The following KPNA4 variants were observed in gnomAD, a reference collection of about 807,000 sequenced individuals.
KPNA4 encodes the protein karyopherin subunit alpha 4, also known as importin subunit alpha-3.
KPNA4 carries 13 observed loss-of-function variants against 71.3 expected under a neutral mutation model. The observed-to-expected ratio is 0.18, with a 90% CI of 0.12 to 0.29. KPNA4 has a LOEUF of 0.29. Ranked by LOEUF, KPNA4 falls within the 10% of genes least tolerant of loss-of-function variation. The pLI is 1.00. For synonymous variants in KPNA4, 189 were observed against 195.2 expected, an observed-to-expected ratio of 0.97 and a Z score of 0.26; for missense variants, 334 against 603.2, an observed-to-expected ratio of 0.55 and a Z score of 4.67.
At chr3:160,559,276 T>TA (rs980729312) in intron 1 of KPNA4, among the ~76,000 whole-genome samples, 7 of 151,876 alleles carry the variant, frequency 4.6e-5, no homozygotes, top group Admixed American at 2.0e-4. Context: ...AGAGGCATGG[T>TA]AAAAAAAGAA....
At chr3:160,539,983 TTTTC>T (rs1360815581) in intron 1 of KPNA4, among the ~76,000 whole-genome samples, 2 of 147,672 alleles carry the variant, frequency 1.4e-5, no homozygotes, top group African/African-American at 2.5e-5. Context: ...TTACGAAAAA[TTTTC>T]TTTTTCTTTT....
rs930329435 is a variant in KPNA4 at position 160,514,067 on chromosome 3, A to G, written c.1137+10T>C. ...TCAGATAAATGATACATATAACATG[A>G]TTTTCTTACCTTATCCAAAAGGTGT... On this transcript the variant is annotated intron_variant, in intron 13 of 16. Transcript: ENST00000334256. The G allele has an allele frequency of 2.7e-6, 4 of 1,489,270 alleles. No individual in the cohort carries two copies. Among genetic ancestry groups the G allele is most frequent in the Non-Finnish European group, 3.6e-6 (4 of 1,102,906 alleles). The allele number at this position is 1,489,270 out of a possible 1,614,324, so 92.3% of individuals were successfully genotyped here. A position where few individuals can be genotyped will look rare whatever the true frequency, so the allele number is the denominator to read the frequency against.
intron 13 of KPNA4, among the ~76,000 whole-genome samples, chr3:160,511,920 G>A (rs191273977): frequency 6.6e-6 from 1 of 151,906 alleles, no homozygotes; most frequent in Non-Finnish European, 1.5e-5. Context: ...GCATAAAAGA[G>A]ATGTAAATAT....
intron 11 of KPNA4, among the ~76,000 whole-genome samples, chr3:160,520,482 C>CA (rs1721323349): frequency 6.6e-6 from 1 of 150,778 alleles, no homozygotes; most frequent in South Asian, 2.1e-4. Flanking sequence ...AGGATGGTCT[C>CA]AGTCTCCTGA....
rs1412270079 is a variant in KPNA4 at position 160,496,951 on chromosome 3, ATTG to A, written c.*5150_*5152del. The A allele has an allele frequency of 2.0e-5, 3 of 152,212 alleles. No individual in the cohort carries two copies. The highest frequency in any genetic ancestry group is 1.9e-4 in the East Asian group (1 of 5,200). 9.4% of individuals were successfully genotyped at this position (152,212 alleles called of 1,614,324 possible). ...GGATTTAAAAGGAATTTTCAAGATT[ATTG>A]TTAACTTCTGGGTTAAGTGTTTAGG... On this transcript the variant is annotated 3_prime_UTR_variant, in exon 17 of 17. Transcript: ENST00000334256.
rs1327401659 is a variant in KPNA4, at chr3:160,498,937, T to C, written c.*3167A>G. Reference sequence around the variant, plus strand: ...AAATTTAGCTTAATCTCTGTAACTTTTTCCTTGAGGAAACTGAGGCAATGG... The same window carrying C: ...AAATTTAGCTTAATCTCTGTAACTTCTTCCTTGAGGAAACTGAGGCAATGG... On this transcript the variant is annotated 3_prime_UTR_variant, in exon 17 of 17. Transcript: ENST00000334256. The C allele has an allele frequency of 1.3e-5, 2 of 152,212 alleles. No homozygotes were observed. Among genetic ancestry groups the C allele is most frequent in the African/African-American group, 4.8e-5 (2 of 41,444 alleles). The allele number at this position is 152,212 out of a possible 1,614,324, so 9.4% of individuals were successfully genotyped here.
At chr3:160,564,548 T>A (rs1722301868) in intron 1 of KPNA4, 1 of 152,018 alleles carries the variant, frequency 6.6e-6, no homozygotes, top group African/African-American at 2.4e-5. Context: ...ATCAGCTATA[T>A]CCAGAGTAAA....
chr3:160,555,934 T>C (rs1488223549), intron 1 of KPNA4, among the ~76,000 whole-genome samples: 1 of 152,276 alleles, frequency 6.6e-6, no homozygotes, highest in Non-Finnish European at 1.5e-5. Context: ...TGGGTTCAAG[T>C]GATTCTCCTG....
intron 13 of KPNA4, 60 bp from the exon 14 acceptor site, chr3:160,509,931 GT>G (rs1254399093): frequency 2.9e-6 from 3 of 1,042,048 alleles, no homozygotes; most frequent in Non-Finnish European, 4.5e-6. Flanking sequence ...TGGAAAAAAT[GT>G]TTGCTGTGAT....
At chr3:160,517,874 T>C (rs1721259579) in intron 11 of KPNA4, among the ~76,000 whole-genome samples, 1 of 152,232 alleles carries the variant, frequency 6.6e-6, no homozygotes, top group Admixed American at 6.5e-5. Flanking sequence ...CCTTTGCCAA[T>C]ACATAATTTT....
chr3:160,515,971 TTCAC>T (rs1721210041), intron 11 of KPNA4, among the ~76,000 whole-genome samples: 1 of 152,010 alleles, frequency 6.6e-6, no homozygotes, highest in South Asian at 2.1e-4. Flanking sequence ...AATGCATTCA[TTCAC>T]TATTTCTTCC....
chr3:160,506,287 G>A (rs565244948), intron 15 of KPNA4, among the ~76,000 whole-genome samples: 2 of 152,058 alleles, frequency 1.3e-5, no homozygotes, highest in Admixed American at 1.3e-4. Context: ...TCGTGCCTCA[G>A]CCTCCCAAGC....
Position 160,501,170 on chromosome 3 carries a change from A to ATGT in KPNA4, c.*933_*934insACA. On this transcript the variant is annotated 3_prime_UTR_variant, in exon 17 of 17. Coordinates refer to ENST00000334256, the MANE Select transcript of KPNA4 (RefSeq NM_002268.5). Reference sequence around the variant, plus strand: ...GTTTTGATGATATGGAAAGCTTTTCATAGCATCAAACATTCATCTGGTGCA... The same window carrying ATGT: ...GTTTTGATGATATGGAAAGCTTTTCATGTTAGCATCAAACATTCATCTGGTGCA... 6.6e-6 allele frequency: 1 copy of ATGT among 152,458 alleles called. No individual in the cohort carries two copies. 9.4% of individuals were successfully genotyped at this position (152,458 alleles called of 1,614,324 possible). A position where few individuals can be genotyped will look rare whatever the true frequency, so the allele number is the denominator to read the frequency against.
In KPNA4 at chr3:160,529,515, G is replaced by A. The variant is rs538358902; in HGVS notation, c.469+1340C>T. On this transcript the variant is annotated intron_variant, in intron 7 of 16. Transcript: ENST00000334256. ...TAATATTACAACATAAGTGTCTACA[G>A]TAAAATGATTATTTGGATAACATCT... 3.3e-4 allele frequency among the ~76,000 whole-genome samples: 51 copies of A among 152,256 alleles called. No individual in the cohort carries two copies. The South Asian group carries it at 0.01, about 30-fold the overall frequency.
rs1051616523 is a variant in KPNA4, at chr3:160,497,939, G to A, written c.*4165C>T. Reference sequence around the variant, plus strand: ...CTCTTAGGCAAGCTTCTATAACAATGTTACCCATTCCTTAGTAAACAAAAA... The same window carrying A: ...CTCTTAGGCAAGCTTCTATAACAATATTACCCATTCCTTAGTAAACAAAAA... On this transcript the variant is annotated 3_prime_UTR_variant, in exon 17 of 17. Transcript: ENST00000334256. 2 of 152,028 alleles carry A rather than the reference G, an allele frequency of 1.3e-5. No homozygotes were observed. Among genetic ancestry groups the A allele is most frequent in the Non-Finnish European group, 2.9e-5 (2 of 68,010 alleles). 9.4% of individuals were successfully genotyped at this position (152,028 alleles called of 1,614,324 possible).
intron 11 of KPNA4, among the ~76,000 whole-genome samples, chr3:160,520,611 C>T (rs1256263032): frequency 2.1e-5 from 3 of 143,186 alleles, no homozygotes; most frequent in Non-Finnish European, 3.2e-5. Context: ...CTTTAAAGTG[C>T]TTTAATTTTA....
At chr3:160,553,194 G>A (rs1722075226) in intron 1 of KPNA4, among the ~76,000 whole-genome samples, 1 of 152,066 alleles carries the variant, frequency 6.6e-6, no homozygotes, top group African/African-American at 2.4e-5. Context: ...AAAAGAAACT[G>A]CTCTTTCCGG....
At chr3:160,517,262 G>A (rs1721249295) in intron 11 of KPNA4, among the ~76,000 whole-genome samples, 1 of 151,958 alleles carries the variant, frequency 6.6e-6, no homozygotes, top group African/African-American at 2.4e-5. Flanking sequence ...ACATAATGTT[G>A]TTAAAAGTTC....
Position 160,525,959 on chromosome 3 carries a change from T to A in KPNA4, c.705A>T (p.Pro235=). Residue 235 remains proline (P), a synonymous_variant, in exon 9 of 17, where the codon CCA becomes CCT. Coordinates refer to ENST00000334256, the MANE Select transcript of KPNA4 (RefSeq NM_002268.5). ...VNLCRHKDPP[P]PMETIQEILP... is the part of the protein sequence containing the mutation. ...TTACCTCCTGAATGGTTTCCATTGGTGGTGGTGGGTCTTTGTGGCGACATA... is the reference window on the plus strand; with the variant it reads ...TTACCTCCTGAATGGTTTCCATTGGAGGTGGTGGGTCTTTGTGGCGACATA... 1 of 1,585,214 alleles carries A rather than the reference T, an allele frequency of 6.3e-7. No homozygotes were observed. Among genetic ancestry groups the A allele is most frequent in the Non-Finnish European group, 8.6e-7 (1 of 1,167,966 alleles).
Sources: allele counts gnomAD v4.1 joint callset (sites outside exome capture counted in the v4.1 genomes callset), GRCh38; gene constraint gnomAD v4.1.1; transcripts MANE v1.5; gene names NCBI Gene and HGNC (gene_info 2026-07-23, HGNC 2026-07-21).